NOL9: variants seen among roughly 807,000 people sequenced by gnomAD.
The protein encoded by NOL9 is polynucleotide 5'-hydroxyl-kinase NOL9.
NOL9 carries 28 observed loss-of-function variants against 67.9 expected under a neutral mutation model. That is an observed-to-expected ratio of 0.41 (90% CI 0.31 to 0.57). NOL9 has a LOEUF of 0.57. Ranked by LOEUF, NOL9 falls within the 20% of genes least tolerant of loss-of-function variation. NOL9 has a pLI of 0.25. For synonymous variants in NOL9, 356 were observed against 352.2 expected (o/e 1.01, Z -0.12); for missense variants, 777 against 897.0 (o/e 0.87, Z 1.71).
At chr1:6,551,243 A>G (rs1410440958) in intron 1 of NOL9, among the ~76,000 whole-genome samples, 5 of 152,070 alleles carry the variant, frequency 3.3e-5, no homozygotes, top group Non-Finnish European at 5.9e-5. Context: ...TCTCGGAGGT[A>G]GAGGCTGCTG....
In NOL9 at chr1:6,524,289, A is replaced by C. The variant is rs1638832662; in HGVS notation, c.*1565T>G. The C allele has an allele frequency of 6.6e-6, 1 of 152,168 alleles. No homozygotes were observed. Among genetic ancestry groups the C allele is most frequent in the Admixed American group, 6.5e-5 (1 of 15,268 alleles). The allele number at this position is 152,168 out of a possible 1,614,324, so 9.4% of individuals were successfully genotyped here. On this transcript the variant is annotated 3_prime_UTR_variant, in exon 12 of 12. Coordinates refer to ENST00000377705, the MANE Select transcript of NOL9 (RefSeq NM_024654.5). ...TAAGTGTTAAAACCCACACATCCTA[A>C]TAGTCTTACAATGTGATCATGCTGG...
At chr1:6,554,060 C>T in intron 1 of NOL9, 47 bp downstream of exon 1, 10 of 1,462,424 alleles carry the variant, frequency 6.8e-6, no homozygotes, top group Non-Finnish European at 9.1e-6. Context: ...GGCTGCCTCT[C>T]CAGCCCTCCC....
At chr1:6,538,766 T>C (rs1486865896) in intron 6 of NOL9, among the ~76,000 whole-genome samples, 2 of 152,106 alleles carry the variant, frequency 1.3e-5, no homozygotes, top group Non-Finnish European at 2.9e-5. Context: ...GTGGATCGCC[T>C]GAGGCCAGGA....
At chr1:6,533,474 A>T in intron 6 of NOL9, 33 bp from the exon 7 acceptor site, 5 of 1,507,014 alleles carry the variant, frequency 3.3e-6, no homozygotes, top group Non-Finnish European at 4.5e-6. Context: ...TCAGATGAGT[A>T]AGGTGAGTGA....
intron 5 of NOL9, among the ~76,000 whole-genome samples, chr1:6,543,244 G>A (rs1570070935): frequency 6.6e-6 from 1 of 151,136 alleles, no homozygotes; most frequent in East Asian, 2.0e-4. Context: ...CGCCCACGCT[G>A]GAGTGCAGCG....
intron 5 of NOL9, among the ~76,000 whole-genome samples, chr1:6,544,209 G>A (rs1345188418): frequency 1.3e-5 from 2 of 151,920 alleles, no homozygotes; most frequent in Admixed American, 1.3e-4. Flanking sequence ...CTTGAACCCA[G>A]GACGTCAAGG....
In NOL9 at chr1:6,554,328, C is replaced by T. The variant is rs781385475; in HGVS notation, c.175G>A (p.Gly59Ser). 1.2e-5 allele frequency: 18 copies of T among 1,471,232 alleles called. No homozygotes were observed. In the East Asian group the frequency reaches 2.6e-4, roughly 21 times the overall value. 91.1% of individuals were successfully genotyped at this position (1,471,232 alleles called of 1,614,324 possible). A position where few individuals can be genotyped will look rare whatever the true frequency, so the allele number is the denominator to read the frequency against. ...RWRLLQAQAS[G>S]VDWREGARQV... ...CGGGCTCCCTCCCTCCAGTCCACGC[C>T]GGACGCCTGGGCTTGCAGTAACCGC... is the stretch of plus-strand genomic sequence containing the variant. Residue 59 changes from glycine (G) to serine (S), a missense_variant, in exon 1 of 12, where the codon GGC (glycine) becomes AGC (serine). Gly to Ser is a moderately conservative substitution (Grantham distance 56, BLOSUM62 0). This residue lies in a region of NOL9 where 364 missense variants were observed against 344.4 expected (regional missense o/e 1.06). Coordinates refer to ENST00000377705, the MANE Select transcript of NOL9 (RefSeq NM_024654.5).
Position 6,545,117 on chromosome 1 carries a change from T to A in NOL9, c.808A>T (p.Lys270Ter). 1.2e-6 allele frequency: 2 copies of A among 1,614,186 alleles called. No homozygotes were observed. The highest frequency in any genetic ancestry group is 1.7e-6 in the Non-Finnish European group (2 of 1,180,024). Residue 270 changes from lysine to a stop codon, truncating the protein, a stop_gained, in exon 4 of 12, where the codon AAA becomes TAA. Transcript: ENST00000377705. LOFTEE classifies it high-confidence loss of function. ...ALRSVGIRREKKRKGLQLTES... is the reference protein window; with the variant it reads ...ALRSVGIRRE ...GTTAACTGAAGGCCTTTCCTTTTTTTCTCTCTTCTGATGCCAACAGACCTC... is the reference window on the plus strand; with the variant it reads ...GTTAACTGAAGGCCTTTCCTTTTTTACTCTCTTCTGATGCCAACAGACCTC...
At chr1:6,553,989 C>T in intron 1 of NOL9, 118 bp downstream of exon 1, 1 of 795,874 alleles carries the variant, frequency 1.3e-6, no homozygotes, top group Non-Finnish European at 1.9e-6. Flanking sequence ...TTGAATCCGA[C>T]TGGCAGCCAG....
intron 6 of NOL9, among the ~76,000 whole-genome samples, chr1:6,540,124 C>CTT (rs770304509): frequency 4.8e-5 from 5 of 104,380 alleles, no homozygotes; most frequent in East Asian, 3.0e-4. Flanking sequence ...GAGAGTTATT[C>CTT]TTTTTTTTTT....
At chr1:6,526,079 C>G in intron 11 of NOL9, 76 bp from the exon 12 acceptor site, 1 of 1,316,554 alleles carries the variant, frequency 7.6e-7, no homozygotes, top group Non-Finnish European at 1.1e-6. Context: ...TCTCTCACAC[C>G]TAGAAGGCAG....
chr1:6,537,991 CAAAAAAAAAAAA>C (rs35793215), intron 6 of NOL9, among the ~76,000 whole-genome samples: 2 of 52,508 alleles, frequency 3.8e-5, no homozygotes, highest in African/African-American at 8.1e-5. Flanking sequence ...GACTCCATCT[CAAAAAAAAAAAA>C]AAAAAAAAAA....
intron 3 of NOL9, among the ~76,000 whole-genome samples, chr1:6,545,965 C>T (rs1456254944): frequency 1.4e-5 from 2 of 145,970 alleles, no homozygotes; most frequent in East Asian, 2.0e-4. Context: ...TAGTGTGAGG[C>T]TTCCTATCGG....
intron 10 of NOL9, among the ~76,000 whole-genome samples, chr1:6,527,271 C>A (rs1275949725): frequency 6.8e-6 from 1 of 146,022 alleles, no homozygotes; most frequent in Non-Finnish European, 1.5e-5. Context: ...TACAAAGAGT[C>A]AAGAGATGGA....
At chr1:6,551,735 A>C (rs1021803222) in intron 1 of NOL9, among the ~76,000 whole-genome samples, 8 of 152,206 alleles carry the variant, frequency 5.3e-5, no homozygotes, top group African/African-American at 1.9e-4. Context: ...ATTCAGGTAC[A>C]GAAAATCAAA....
At chr1:6,540,699 G>A (rs1055529198) in intron 6 of NOL9, among the ~76,000 whole-genome samples, 4 of 151,954 alleles carry the variant, frequency 2.6e-5, no homozygotes, top group East Asian at 1.9e-4. Flanking sequence ...GGTGGCGTGC[G>A]CCTGCAGTCA....
At chr1:6,548,086 T>C (rs555545155) in intron 3 of NOL9, 13 of 234,882 alleles carry the variant, frequency 5.5e-5, no homozygotes, top group East Asian at 4.1e-4. Flanking sequence ...AAAATTTGCA[T>C]TGGCGTGGCC....
intron 6 of NOL9, among the ~76,000 whole-genome samples, chr1:6,534,383 G>A (rs1639102094): frequency 6.6e-6 from 1 of 152,202 alleles, no homozygotes. Context: ...ACAGGGAGCT[G>A]AGCAGTTCAA....
At chr1:6,544,260 G>T (rs1361385767) in intron 5 of NOL9, among the ~76,000 whole-genome samples, 1 of 151,236 alleles carries the variant, frequency 6.6e-6, no homozygotes, top group African/African-American at 2.4e-5. Flanking sequence ...TTTTTGCTGG[G>T]CAACACAGTC....
Sources: gnomAD v4.1 joint callset for allele counts (sites outside exome capture counted in the v4.1 genomes callset) on GRCh38, gnomAD v4.1.1 for gene constraint, gnomAD v4.1.1 regional missense constraint, MANE v1.5 for transcripts, NCBI Gene and HGNC (gene_info 2026-07-23, HGNC 2026-07-21) for gene names.